TPCN1: variants seen among roughly 807,000 people sequenced by gnomAD.
TPCN1 encodes two pore segment channel 1, also known as two pore channel protein 1.
Under a neutral mutation model 108.8 loss-of-function variants are expected in TPCN1, and 52 were observed. The observed-to-expected ratio is 0.48, with a 90% CI of 0.38 to 0.60. TPCN1 has a LOEUF of 0.60. Among genes scored for constraint, TPCN1 ranks in the 20% least tolerant of loss-of-function variants. The probability of loss-of-function intolerance (pLI) is 0.00; values close to 1 mark genes in which losing one functional copy is unlikely to be tolerated. For missense variants in TPCN1, 806 were observed against 1,072.8 expected (o/e 0.75, Z 3.47); for synonymous variants, 446 against 433.7 (o/e 1.03, Z -0.35).
intron 2 of TPCN1, among the ~76,000 whole-genome samples, chr12:113,236,571 A>C (rs1187226658): frequency 6.6e-6 from 1 of 151,548 alleles, no homozygotes; most frequent in Non-Finnish European, 1.5e-5. Flanking sequence ...CGAGATTGTC[A>C]CTGCACTCCA....
At chr12:113,221,706 T>G (rs980145245) in intron 1 of TPCN1, 80 bp downstream of exon 1, 2 of 161,586 alleles carry the variant, frequency 1.2e-5, no homozygotes, top group Non-Finnish European at 2.7e-5. Flanking sequence ...AGTAAGGGGT[T>G]GCGGCGCAGC....
At chr12:113,259,653 G>T (rs1429242928) in intron 2 of TPCN1, among the ~76,000 whole-genome samples, 1 of 152,176 alleles carries the variant, frequency 6.6e-6, no homozygotes, top group Admixed American at 6.5e-5. Flanking sequence ...TTCCTAATTG[G>T]CCTGGGAACA....
rs994332791 is a variant in TPCN1 at position 113,232,305 on chromosome 12, C to G, written c.112+5341C>G. 2.6e-5 allele frequency among the ~76,000 whole-genome samples: 4 copies of G among 152,228 alleles called. No homozygotes were observed. Among genetic ancestry groups the G allele is most frequent in the Non-Finnish European group, 5.9e-5 (4 of 68,032 alleles). ...TCAGCAATGTGGAGGATCCCTGCCC[C>G]CTGGCAGGGGCCCCCATGTGGCACC... On this transcript the variant is annotated intron_variant, in intron 2 of 27. Coordinates refer to ENST00000335509, the MANE Select transcript of TPCN1 (RefSeq NM_017901.6). The surrounding 1 kb of genome is among the most constrained non-coding windows in gnomAD (Gnocchi z 5.6).
chr12:113,293,317 C>T lies in TPCN1; in HGVS notation c.2302C>T (p.Leu768=), dbSNP rs1384030608. ...LGRRSRTKSD[L]SLKMYQEEIQ... ...ACGGCGATCAAGGACCAAGAGCGAC[C>T]TGAGCCTGAAGATGTACCAGGAGGA... Residue 768 remains leucine, a synonymous_variant, in exon 27 of 28, where the codon CTG becomes TTG. Transcript: ENST00000335509. The T allele has an allele frequency of 6.2e-6, 10 of 1,614,112 alleles. No homozygotes were observed. In the Middle Eastern group the frequency reaches 8.3e-4, roughly 133 times the overall value.
In TPCN1 at chr12:113,296,189, T is replaced by A; in HGVS notation, c.*113T>A. On this transcript the variant is annotated 3_prime_UTR_variant, in exon 28 of 28. Coordinates refer to ENST00000335509, the MANE Select transcript of TPCN1 (RefSeq NM_017901.6). The stretch of plus-strand genomic sequence containing the variant: ...ACTCACGTATATGCACATATTTATA[T>A]ACAGGAAGAAAAAAGACAGACAAGA... The A allele has an allele frequency of 6.9e-7, 1 of 1,441,868 alleles. No homozygotes were observed. The highest frequency in any genetic ancestry group is 1.4e-5 in the African/African-American group (1 of 71,290). The allele number at this position is 1,441,868 out of a possible 1,614,324, so 89.3% of individuals were successfully genotyped here.
chr12:113,292,047 C>T, intron 25 of TPCN1, 89 bp downstream of exon 25: 5 of 1,132,296 alleles, frequency 4.4e-6, no homozygotes, highest in East Asian at 4.8e-5. Flanking sequence ...AGCCAGCCAT[C>T]AGGCTGTCAT....
At chr12:113,287,662 G>A (rs941361722) in intron 19 of TPCN1, among the ~76,000 whole-genome samples, 6 of 152,224 alleles carry the variant, frequency 3.9e-5, no homozygotes, top group Non-Finnish European at 8.8e-5. Context: ...CTCCCAAGGC[G>A]GGACAGGCGG....
At chr12:113,293,941 G>A (rs373137471) in intron 27 of TPCN1, among the ~76,000 whole-genome samples, 427 of 152,274 alleles carry the variant, frequency 2.8e-3, no homozygotes, top group Middle Eastern at 0.01. Flanking sequence ...GGGTTCAAGC[G>A]ATTCTCCTGC....
chr12:113,296,375 G>A lies in TPCN1; in HGVS notation c.*299G>A, dbSNP rs948379544. The A allele has an allele frequency of 8.2e-6, 3 of 367,530 alleles. No individual in the cohort carries two copies. Among genetic ancestry groups the A allele is most frequent in the East Asian group, 4.2e-5 (1 of 23,582 alleles). 22.8% of individuals were successfully genotyped at this position (367,530 alleles called of 1,614,324 possible). ...CCCTCACCTGGATCCAGTCGACTGC[G>A]GGGCTTGCCCCTCATGTGGGCTGGC... On this transcript the variant is annotated 3_prime_UTR_variant, in exon 28 of 28. Coordinates refer to ENST00000335509, the MANE Select transcript of TPCN1 (RefSeq NM_017901.6).
rs61943642 is a variant in TPCN1, at chr12:113,296,025, C to T, written c.2400C>T (p.Pro800=). Residue 800 remains proline (P), a synonymous_variant, in exon 28 of 28, where the codon CCC becomes CCT. Transcript: ENST00000335509. Reference sequence around the variant, plus strand: ...GACAACTCAGCAGCAGTGCAGCCCCCGCCGCCCAGCAGCCCCCAGGCAGCC... The same window carrying T: ...GACAACTCAGCAGCAGTGCAGCCCCTGCCGCCCAGCAGCCCCCAGGCAGCC... ...QQRQLSSSAA[P]AAQQPPGSRQ... The T allele has an allele frequency of 0.06, 97,401 of 1,613,072 alleles. 3,471 individuals carry two copies. The highest frequency in any genetic ancestry group is 0.067 in the Non-Finnish European group (78,560 of 1,179,794).
chr12:113,247,744 G>A (rs560210346), intron 2 of TPCN1, among the ~76,000 whole-genome samples: 14 of 152,310 alleles, frequency 9.2e-5, no homozygotes, highest in African/African-American at 9.6e-5. Flanking sequence ...CCAGTTGCTC[G>A]TGCCTTGATG....
chr12:113,226,733 G>T lies in TPCN1; in HGVS notation c.-120G>T. Reference sequence around the variant, plus strand: ...TTTTAATTCCCAAACCCTAGAAGATGCCTCTAATGGAGGAGTTTCTGAGCA... The same window carrying T: ...TTTTAATTCCCAAACCCTAGAAGATTCCTCTAATGGAGGAGTTTCTGAGCA... On this transcript the variant is annotated 5_prime_UTR_variant, in exon 2 of 28. It removes an upstream start codon present in the reference 5' UTR. Transcript: ENST00000335509. The T allele has an allele frequency of 6.4e-7, 1 of 1,560,164 alleles. No homozygotes were observed.
At chr12:113,258,979 A>ATTT (rs111501174) in intron 2 of TPCN1, among the ~76,000 whole-genome samples, 1 of 141,078 alleles carries the variant, frequency 7.1e-6, no homozygotes, top group Non-Finnish European at 1.6e-5. Flanking sequence ...AAAACATTAG[A>ATTT]TTTTTTTTTT....
intron 2 of TPCN1, among the ~76,000 whole-genome samples, chr12:113,248,046 C>T (rs972663585): frequency 6.6e-6 from 1 of 152,204 alleles, no homozygotes; most frequent in East Asian, 1.9e-4. Context: ...TAACACAAAA[C>T]AGCCCCTCTT....
At chr12:113,292,789 C>T (rs1391820465) in intron 25 of TPCN1, 145 bp from the exon 26 acceptor site, 21 of 922,072 alleles carry the variant, frequency 2.3e-5, no homozygotes, top group East Asian at 2.5e-5. Context: ...GGAGGGCCAA[C>T]GAGGAGAGCA....
In TPCN1 at chr12:113,266,515, C is replaced by T. The variant is rs911614604; in HGVS notation, c.414+159C>T. 6.6e-6 allele frequency among the ~76,000 whole-genome samples: 1 copy of T among 152,254 alleles called. No homozygotes were observed. The highest frequency in any genetic ancestry group is 1.5e-5 in the Non-Finnish European group (1 of 68,044). The stretch of plus-strand genomic sequence containing the variant: ...ATAGAGGCCTTGGGAGCGGAAATGC[C>T]TGGGTGTCCCTGCTGGAGTGAATGG... On this transcript the variant is annotated intron_variant, in intron 4 of 27. Coordinates refer to ENST00000335509, the MANE Select transcript of TPCN1 (RefSeq NM_017901.6). The surrounding 1 kb of genome is among the most constrained non-coding windows in gnomAD (Gnocchi z 4.2).
intron 2 of TPCN1, among the ~76,000 whole-genome samples, chr12:113,253,006 T>C (rs551582629): frequency 6.6e-6 from 1 of 152,348 alleles, no homozygotes; most frequent in Admixed American, 6.5e-5. Flanking sequence ...TGGCACTAAC[T>C]ACCCTGTCAC....
At chr12:113,227,330 A>G (rs1566132224) in intron 2 of TPCN1, among the ~76,000 whole-genome samples, 1 of 152,070 alleles carries the variant, frequency 6.6e-6, no homozygotes, top group East Asian at 1.9e-4. Context: ...AGATTTCAAC[A>G]CCAGCCTCCG....
intron 1 of TPCN1, 59 bp from the exon 2 acceptor site, chr12:113,226,669 C>T (rs567968438): frequency 1.6e-6 from 2 of 1,288,018 alleles, no homozygotes; most frequent in Non-Finnish European, 2.1e-6. Context: ...AGAATAGATT[C>T]ATCAGTCATG....
Sources: allele counts gnomAD v4.1 joint callset (sites outside exome capture counted in the v4.1 genomes callset), GRCh38; gene constraint gnomAD v4.1.1; non-coding constraint Gnocchi (gnomAD v3.1); transcripts MANE v1.5; gene names NCBI Gene and HGNC (gene_info 2026-07-23, HGNC 2026-07-21).